PPP2R2A: variants seen among roughly 807,000 people sequenced by gnomAD.
The protein encoded by PPP2R2A is serine/threonine-protein phosphatase 2A 55 kDa regulatory subunit B alpha isoform.
PPP2R2A carries 9 observed loss-of-function variants against 53.2 expected under a neutral mutation model. That is an observed-to-expected ratio of 0.17 (90% CI 0.10 to 0.30). The LOEUF (loss-of-function observed/expected upper bound fraction) is 0.30, where lower values mean the gene tolerates loss of function less well. PPP2R2A is among the 10% of genes least tolerant of loss of function. PPP2R2A has a pLI of 1.00. For missense variants in PPP2R2A, 235 were observed against 534.6 expected, an observed-to-expected ratio of 0.44 and a Z score of 5.53; for synonymous variants, 169 against 174.2, an observed-to-expected ratio of 0.97 and a Z score of 0.23.
Position 26,343,238 on chromosome 8 carries a change from AT to A in PPP2R2A, c.180+4252del, listed in dbSNP as rs1193669695. Among the ~76,000 whole-genome samples, 5 of 152,146 alleles carry A rather than the reference AT, an allele frequency of 3.3e-5. No individual in the cohort carries two copies. In the East Asian group the frequency reaches 9.6e-4, roughly 29 times the overall value. On this transcript the variant is annotated intron_variant, in intron 3 of 9. Coordinates refer to ENST00000380737, the MANE Select transcript of PPP2R2A (RefSeq NM_002717.4). ...CTATCCTGCTCCTCAAGATTACTAA[AT>A]CAGAATATGTATGTATATGGTGCAT...
chr8:26,349,595 G>T (rs891483151), intron 3 of PPP2R2A, among the ~76,000 whole-genome samples: 2 of 151,964 alleles, frequency 1.3e-5, no homozygotes, highest in Admixed American at 6.6e-5. Context: ...ACATATGTGT[G>T]GTATATATTT....
rs1442317347 is a variant in PPP2R2A, at chr8:26,366,305, T to C, written c.973-10T>C. 8 of 1,591,038 alleles carry C rather than the reference T, an allele frequency of 5.0e-6. No individual in the cohort carries two copies. The highest frequency in any genetic ancestry group is 6.8e-6 in the Non-Finnish European group (8 of 1,169,488). On this transcript the variant is annotated splice_polypyrimidine_tract_variant and intron_variant, in intron 8 of 9. Transcript: ENST00000380737. ...AATTTCAGTGCAGTATATTTGTATT[T>C]TTCCCCCAGGTGCATGAATACCTCA...
Position 26,360,343 on chromosome 8 carries a change from C to A in PPP2R2A, c.459+62C>A. 1 of 936,626 alleles carries A rather than the reference C, an allele frequency of 1.1e-6. No homozygotes were observed. The highest frequency in any genetic ancestry group is 1.7e-6 in the Non-Finnish European group (1 of 605,028). 58.0% of individuals were successfully genotyped at this position (936,626 alleles called of 1,614,324 possible). A position where few individuals can be genotyped will look rare whatever the true frequency, so the allele number is the denominator to read the frequency against. On this transcript the variant is annotated intron_variant, in intron 5 of 9. Coordinates refer to ENST00000380737, the MANE Select transcript of PPP2R2A (RefSeq NM_002717.4). This position sits in a 1 kb window ranked among gnomAD's most constrained non-coding sequence, Gnocchi z 4.5. The stretch of plus-strand genomic sequence containing the variant: ...TGTATTCATATTATATAGCCCAAAT[C>A]CTGAGCAGAGCTTGAATAGGAATAA...
At chr8:26,333,638 C>A in intron 2 of PPP2R2A, 1 of 711,336 alleles carries the variant, frequency 1.4e-6, no homozygotes, top group South Asian at 3.7e-5. Flanking sequence ...TTGTTACACC[C>A]ATTTATATAT....
chr8:26,348,758 T>G (rs1460216098), intron 3 of PPP2R2A, among the ~76,000 whole-genome samples: 5 of 152,166 alleles, frequency 3.3e-5, no homozygotes, highest in African/African-American at 1.2e-4. Context: ...CTTAGTATGT[T>G]TATTGCAGAA....
chr8:26,314,068 CTG>C (rs1242520809), intron 2 of PPP2R2A, among the ~76,000 whole-genome samples: 1 of 152,124 alleles, frequency 6.6e-6, no homozygotes. Context: ...TCTCCCATCA[CTG>C]TTTTCTTTCT....
Position 26,366,421 on chromosome 8 carries a change from C to A in PPP2R2A, c.1064+15C>A, listed in dbSNP as rs73675960. 7,923 of 1,524,118 alleles carry A rather than the reference C, an allele frequency of 5.2e-3. 25 individuals carry two copies. The highest frequency in any genetic ancestry group is 6.1e-3 in the Non-Finnish European group (6,819 of 1,126,038). The allele number at this position is 1,524,118 out of a possible 1,614,324, so 94.4% of individuals were successfully genotyped here. On this transcript the variant is annotated intron_variant, in intron 9 of 9. Transcript: ENST00000380737. ...GGATCTGACAGGTAATTAAGTCAAA[C>A]CTCTCAAATATGAATTTTATTAAAG... is the stretch of plus-strand genomic sequence containing the variant.
intron 7 of PPP2R2A, 55 bp from the exon 8 acceptor site, chr8:26,363,666 C>T: frequency 7.3e-7 from 1 of 1,367,568 alleles, no homozygotes; most frequent in Non-Finnish European, 9.6e-7. Flanking sequence ...ATGCTTTGTC[C>T]AAGCCAGAAT....
At chr8:26,339,073 G>A in intron 3 of PPP2R2A, 86 bp downstream of exon 3, 1 of 1,010,562 alleles carries the variant, frequency 9.9e-7, no homozygotes, top group East Asian at 2.4e-5. Flanking sequence ...ATCAGAGGAT[G>A]TTGGAATTTT....
intron 2 of PPP2R2A, among the ~76,000 whole-genome samples, chr8:26,305,077 T>G (rs1801954866): frequency 6.6e-6 from 1 of 152,148 alleles, no homozygotes; most frequent in Non-Finnish European, 1.5e-5. Flanking sequence ...AACTCCCTTC[T>G]TCCCCTCCCC....
intron 2 of PPP2R2A, among the ~76,000 whole-genome samples, chr8:26,316,478 A>G (rs1802563070): frequency 6.6e-6 from 1 of 152,224 alleles, no homozygotes; most frequent in African/African-American, 2.4e-5. Flanking sequence ...TATCAGAGAA[A>G]ACTTCAGCTT....
At chr8:26,329,934 A>G (rs1014369250) in intron 2 of PPP2R2A, among the ~76,000 whole-genome samples, 1 of 152,206 alleles carries the variant, frequency 6.6e-6, no homozygotes, top group African/African-American at 2.4e-5. Context: ...GTGTAAGTCT[A>G]CATTTAACAC....
intron 2 of PPP2R2A, among the ~76,000 whole-genome samples, chr8:26,302,771 A>G (rs1324084647): frequency 6.6e-6 from 1 of 152,210 alleles, no homozygotes. Flanking sequence ...AGGCCAGATT[A>G]AATTAAAGAG....
intron 3 of PPP2R2A, among the ~76,000 whole-genome samples, chr8:26,344,909 C>T (rs780736367): frequency 5.9e-5 from 9 of 152,082 alleles, no homozygotes; most frequent in African/African-American, 1.9e-4. Flanking sequence ...TTGGAATATG[C>T]GCATGTGTAC....
intron 2 of PPP2R2A, among the ~76,000 whole-genome samples, chr8:26,336,850 A>G (rs1234529978): frequency 6.6e-6 from 1 of 150,484 alleles, no homozygotes; most frequent in Non-Finnish European, 1.5e-5. Flanking sequence ...CCTGGTCAAA[A>G]GGCCTTTTTT....
intron 8 of PPP2R2A, 99 bp downstream of exon 8, chr8:26,363,989 T>G: frequency 9.0e-7 from 1 of 1,114,522 alleles, no homozygotes; most frequent in Non-Finnish European, 1.2e-6. Context: ...TGTATGGTGT[T>G]TGTTCACCAT....
At chr8:26,296,400 C>T (rs1419466118) in intron 2 of PPP2R2A, among the ~76,000 whole-genome samples, 1 of 152,214 alleles carries the variant, frequency 6.6e-6, no homozygotes, top group African/African-American at 2.4e-5. Flanking sequence ...TCTATGCTCT[C>T]TCACTTTAGG....
At chr8:26,344,127 G>C (rs1240197853) in intron 3 of PPP2R2A, among the ~76,000 whole-genome samples, 1 of 152,182 alleles carries the variant, frequency 6.6e-6, no homozygotes, top group Non-Finnish European at 1.5e-5. Context: ...GCATGGCTTT[G>C]CCCACTCTAA....
intron 2 of PPP2R2A, among the ~76,000 whole-genome samples, chr8:26,310,434 G>A (rs1449158322): frequency 6.7e-6 from 1 of 150,090 alleles, no homozygotes; most frequent in Non-Finnish European, 1.5e-5. Context: ...TTTCAAAACT[G>A]TTATCAGACG....
Sources: allele counts gnomAD v4.1 joint callset (sites outside exome capture counted in the v4.1 genomes callset), GRCh38; gene constraint gnomAD v4.1.1; non-coding constraint Gnocchi (gnomAD v3.1); transcripts MANE v1.5; gene names NCBI Gene and HGNC (gene_info 2026-07-23, HGNC 2026-07-21).